NUDT5: variants seen among roughly 807,000 people sequenced by gnomAD.
NUDT5 encodes the protein nudix hydrolase 5.
NUDT5 carries 21 observed loss-of-function variants against 34.1 expected under a neutral mutation model. That is an observed-to-expected ratio of 0.62 (90% CI 0.44 to 0.89). NUDT5 has a LOEUF of 0.89. Ranked by LOEUF, NUDT5 falls within the 40% of genes least tolerant of loss-of-function variation. NUDT5 has a pLI of 0.00. For missense variants in NUDT5, 249 were observed against 274.8 expected (o/e 0.91, Z 0.66); for synonymous variants, 85 against 97.6 (o/e 0.87, Z 0.76).
chr10:12,184,490 G>A (rs1265940119), intron 3 of NUDT5: 11 of 1,551,750 alleles, frequency 7.1e-6, no homozygotes, highest in East Asian at 2.4e-5. Context: ...AGGCAGGCAC[G>A]TACCTCAAAA....
chr10:12,179,638 T>C (rs983838490), intron 3 of NUDT5, among the ~76,000 whole-genome samples: 5 of 123,346 alleles, frequency 4.1e-5, no homozygotes, highest in African/African-American at 1.6e-4. Context: ...CATTTATTAA[T>C]GGAAGAATTA....
At position 12,166,851 on chromosome 10, in the gene NUDT5, T is replaced by A. The variant is rs2131691283; in HGVS notation, c.*851A>T. On this transcript the variant is annotated 3_prime_UTR_variant, in exon 10 of 10. Transcript: ENST00000491614. ...CAGGGTTTCAGGCATGGGAACCAGA[T>A]CAATCTGTACTTCTTGCTGTGAACT... is the stretch of plus-strand genomic sequence containing the variant. The A allele has an allele frequency of 1.4e-5, 6 of 438,246 alleles. No individual in the cohort carries two copies. Among genetic ancestry groups the A allele is most frequent in the South Asian group, 1.0e-4 (6 of 58,968 alleles). The allele number at this position is 438,246 out of a possible 1,614,324, so 27.1% of individuals were successfully genotyped here.
chr10:12,189,681 G>A (rs1588662902), intron 1 of NUDT5, among the ~76,000 whole-genome samples: 1 of 152,318 alleles, frequency 6.6e-6, no homozygotes, highest in African/African-American at 2.4e-5. Context: ...GAAAGAACGA[G>A]AAATGAGCTT....
Position 12,171,850 on chromosome 10 carries a change from G to A in NUDT5, c.487+915C>T, listed in dbSNP as rs1244350315. Among the ~76,000 whole-genome samples, 1 of 151,570 alleles carries A rather than the reference G, an allele frequency of 6.6e-6. No homozygotes were observed. The highest frequency in any genetic ancestry group is 1.9e-4 in the East Asian group (1 of 5,176). On this transcript the variant is annotated intron_variant, in intron 7 of 9. Transcript: ENST00000491614. The surrounding 1 kb of genome is among the most constrained non-coding windows in gnomAD (Gnocchi z 4.2). ...AGTGATTCTTGTGTCTCAGCTTCCC[G>A]AGTAGCTGGGATTACAGGTGCGCAC...
Position 12,184,919 on chromosome 10 carries a change from G to T in NUDT5, c.101C>A (p.Thr34Lys). 2 of 1,586,932 alleles carry T rather than the reference G, an allele frequency of 1.3e-6. No individual in the cohort carries two copies. Among genetic ancestry groups the T allele is most frequent in the Non-Finnish European group, 8.6e-7 (1 of 1,160,070 alleles). ...SEGKWVKLEK[T>K]TYMDPTGKTR... ...TTTACCAGTAGGATCCATGTACGTT[G>T]TTTTTTCAAGCTTGACCCATTTTCC... The change falls in exon 3 of 10, where the codon ACA (threonine) becomes AAA (lysine). Residue 34 changes from threonine (T) to lysine (K), a missense_variant. By Grantham distance (78) the Thr-to-Lys change is moderately conservative. Coordinates refer to ENST00000491614, the MANE Select transcript of NUDT5 (RefSeq NM_014142.4).
chr10:12,168,169 C>T lies in NUDT5; in HGVS notation c.551-358G>A, dbSNP rs776436323. On this transcript the variant is annotated intron_variant, in intron 9 of 9. Coordinates refer to ENST00000491614, the MANE Select transcript of NUDT5 (RefSeq NM_014142.4). The surrounding 1 kb of genome is among the most constrained non-coding windows in gnomAD (Gnocchi z 4.8). The stretch of plus-strand genomic sequence containing the variant: ...CCTCCCCAGTAGCTGGGACTATAGG[C>T]GCACGCCACCACGCCCAGCTAATTT... Among the ~76,000 whole-genome samples the T allele has an allele frequency of 1.4e-4, 21 of 151,966 alleles. No individual in the cohort carries two copies. The highest frequency in any genetic ancestry group is 2.2e-4 in the African/African-American group (9 of 41,368).
rs1444288874 is a variant in NUDT5 at position 12,182,218 on chromosome 10, T to C, written c.131+2671A>G. ...GGGGACACTGAATGTCTGTGTTGTA[T>C]GCCTGTGTTCTGACTGCAGCCTGTC... On this transcript the variant is annotated intron_variant, in intron 3 of 9. Coordinates refer to ENST00000491614, the MANE Select transcript of NUDT5 (RefSeq NM_014142.4). This position sits in a 1 kb window ranked among gnomAD's most constrained non-coding sequence, Gnocchi z 4.3. 1.3e-5 allele frequency among the ~76,000 whole-genome samples: 2 copies of C among 152,156 alleles called. No homozygotes were observed. The highest frequency in any genetic ancestry group is 2.9e-5 in the Non-Finnish European group (2 of 68,018).
chr10:12,191,616 C>T (rs1281469039), intron 1 of NUDT5, among the ~76,000 whole-genome samples: 2 of 152,260 alleles, frequency 1.3e-5, no homozygotes, highest in East Asian at 3.9e-4. Context: ...GTGCCATGCA[C>T]TGCATGTGCC....
Position 12,173,646 on chromosome 10 carries a change from GAACACCCAAAT to G in NUDT5, c.385+61_385+71del. ...CTCTTCAGTGAATTCTGAGCGTAAA[GAACACCCAAAT>G]AATCAATCCCTTCCCAGACGGAGGA... On this transcript the variant is annotated intron_variant, in intron 6 of 9. Coordinates refer to ENST00000491614, the MANE Select transcript of NUDT5 (RefSeq NM_014142.4). This position sits in a 1 kb window ranked among gnomAD's most constrained non-coding sequence, Gnocchi z 4.7. The G allele has an allele frequency of 2.6e-6, 3 of 1,151,268 alleles. No homozygotes were observed. The highest frequency in any genetic ancestry group is 4.0e-6 in the Non-Finnish European group (3 of 758,742). The allele number at this position is 1,151,268 out of a possible 1,614,324, so 71.3% of individuals were successfully genotyped here. A position where few individuals can be genotyped will look rare whatever the true frequency, so the allele number is the denominator to read the frequency against.
In NUDT5 at chr10:12,167,752, G is replaced by A. The variant is rs554035288; in HGVS notation, c.610C>T (p.Leu204=). 5.0e-6 allele frequency: 8 copies of A among 1,614,218 alleles called. No individual in the cohort carries two copies. The South Asian group carries it at 7.7e-5, about 16-fold the overall frequency. Residue 204 remains leucine (L), a synonymous_variant, in exon 10 of 10, where the codon CTG becomes TTG. Coordinates refer to ENST00000491614, the MANE Select transcript of NUDT5 (RefSeq NM_014142.4). ...DARVYSYALA[L]KHANAKPFEV... ...AATGGCTTTGCATTTGCATGTTTCAGTGCTAGAGCGTAGGAATAGACCCTG... is the reference window on the plus strand; with the variant it reads ...AATGGCTTTGCATTTGCATGTTTCAATGCTAGAGCGTAGGAATAGACCCTG...
At chr10:12,194,305 T>A (rs1056486526) in intron 1 of NUDT5, among the ~76,000 whole-genome samples, 1 of 152,236 alleles carries the variant, frequency 6.6e-6, no homozygotes. Context: ...AAATCCCCCA[T>A]CGATGCTAAC....
chr10:12,175,266 G>A lies in NUDT5; in HGVS notation c.290-1453C>T, dbSNP rs138621601. On this transcript the variant is annotated intron_variant, in intron 5 of 9. Transcript: ENST00000491614. The surrounding 1 kb of genome is among the most constrained non-coding windows in gnomAD (Gnocchi z 4.8). ...CCCTGTTAGGCGGAGGTTGCAGTGA[G>A]CTGAAATCGTGCCACTGCACTCTAG... Among the ~76,000 whole-genome samples the A allele has an allele frequency of 6.0e-3, 919 of 152,294 alleles. 7 individuals carry two copies. The highest frequency in any genetic ancestry group is 0.021 in the African/African-American group (866 of 41,566).
Position 12,169,180 on chromosome 10 carries a change from AC to A in NUDT5, c.551-1370del. The A allele has an allele frequency of 1.1e-6, 1 of 887,308 alleles. No homozygotes were observed. The allele number at this position is 887,308 out of a possible 1,614,324, so 55.0% of individuals were successfully genotyped here. ...TAAAGCTAGGCAACTTGGTTCTTTT[AC>A]CCCTCCTCCTTTATAGCCATAGTAG... On this transcript the variant is annotated intron_variant, in intron 9 of 9. Transcript: ENST00000491614. This position sits in a 1 kb window ranked among gnomAD's most constrained non-coding sequence, Gnocchi z 4.8.
Position 12,175,127 on chromosome 10 carries a change from C to T in NUDT5, c.290-1314G>A, listed in dbSNP as rs1020359311. ...CTGAGGTCAGGGGTTCGAGACCAGC[C>T]TGGCCAACATGGTGAAACCCTGTCT... On this transcript the variant is annotated intron_variant, in intron 5 of 9. Coordinates refer to ENST00000491614, the MANE Select transcript of NUDT5 (RefSeq NM_014142.4). This position sits in a 1 kb window ranked among gnomAD's most constrained non-coding sequence, Gnocchi z 4.8. Among the ~76,000 whole-genome samples the T allele has an allele frequency of 1.4e-4, 22 of 152,174 alleles. No homozygotes were observed. Among genetic ancestry groups the T allele is most frequent in the African/African-American group, 5.3e-4 (22 of 41,534 alleles).
chr10:12,177,604 G>A (rs540386092), intron 5 of NUDT5, among the ~76,000 whole-genome samples, 189 bp downstream of exon 5: 84 of 152,328 alleles, frequency 5.5e-4, no homozygotes, highest in Non-Finnish European at 8.7e-4. Context: ...GCCTTGTGTC[G>A]CCTTCACGGG....
chr10:12,176,250 T>G (rs1271112107), intron 5 of NUDT5, among the ~76,000 whole-genome samples: 1 of 150,332 alleles, frequency 6.7e-6, no homozygotes, highest in Non-Finnish European at 1.5e-5. Flanking sequence ...AGTAAAATGG[T>G]GAGGAAATGA....
rs1487331350 is a variant in NUDT5 at position 12,182,006 on chromosome 10, C to G, written c.132-2874G>C. ...AATCAGCCAGGCCCAGTGGCATGCACCTCTAGTCCCAGCTACTCGAGTGGC... is the reference window on the plus strand; with the variant it reads ...AATCAGCCAGGCCCAGTGGCATGCAGCTCTAGTCCCAGCTACTCGAGTGGC... On this transcript the variant is annotated intron_variant, in intron 3 of 9. Transcript: ENST00000491614. The surrounding 1 kb of genome is among the most constrained non-coding windows in gnomAD (Gnocchi z 4.3). Among the ~76,000 whole-genome samples the G allele has an allele frequency of 6.6e-6, 1 of 151,944 alleles. No individual in the cohort carries two copies. Among genetic ancestry groups the G allele is most frequent in the Non-Finnish European group, 1.5e-5 (1 of 67,998 alleles).
In NUDT5 at chr10:12,166,693, C is replaced by T. The variant is rs190246502; in HGVS notation, c.*1009G>A. On this transcript the variant is annotated 3_prime_UTR_variant, in exon 10 of 10. Coordinates refer to ENST00000491614, the MANE Select transcript of NUDT5 (RefSeq NM_014142.4). ...TGGATGAGAATCATCCTGAGAATTC[C>T]GTGGGGGCCAGACTGGAAAGTCCTG... is the stretch of plus-strand genomic sequence containing the variant. 328 of 503,610 alleles carry T rather than the reference C, an allele frequency of 6.5e-4. No individual in the cohort carries two copies. The highest frequency in any genetic ancestry group is 1.2e-3 in the Non-Finnish European group (287 of 245,488). 31.2% of individuals were successfully genotyped at this position (503,610 alleles called of 1,614,324 possible). A position where few individuals can be genotyped will look rare whatever the true frequency, so the allele number is the denominator to read the frequency against.
intron 1 of NUDT5, among the ~76,000 whole-genome samples, chr10:12,190,187 G>C (rs573527688): frequency 4.6e-5 from 7 of 152,232 alleles, no homozygotes; most frequent in African/African-American, 7.2e-5. Context: ...CCGCGCCAGC[G>C]AGTGTTCTAC....
Sources: gnomAD v4.1 joint callset for allele counts (sites outside exome capture counted in the v4.1 genomes callset) on GRCh38, gnomAD v4.1.1 for gene constraint, Gnocchi (gnomAD v3.1) non-coding constraint, MANE v1.5 for transcripts, NCBI Gene and HGNC (gene_info 2026-07-23, HGNC 2026-07-21) for gene names.